Variants in TRERF1 observed in about 807,000 individuals in gnomAD.
TRERF1 encodes transcriptional-regulating factor 1.
TRERF1 carries 27 observed loss-of-function variants against 122.9 expected under a neutral mutation model. The observed-to-expected ratio is 0.22, with a 90% CI of 0.16 to 0.30. The LOEUF (loss-of-function observed/expected upper bound fraction) is 0.30, where lower values mean the gene tolerates loss of function less well. TRERF1 is among the 10% of genes least tolerant of loss of function. The pLI is 1.00. For synonymous variants in TRERF1, 636 were observed against 641.7 expected (o/e 0.99, Z 0.13); for missense variants, 1,248 against 1,560.3 (o/e 0.80, Z 3.37).
In TRERF1 at chr6:42,259,261, G is replaced by T; in HGVS notation, c.2269+78C>A. 8 of 1,441,820 alleles carry T rather than the reference G, an allele frequency of 5.5e-6. No homozygotes were observed. Among genetic ancestry groups the T allele is most frequent in the Non-Finnish European group, 6.3e-6 (7 of 1,103,190 alleles). 89.3% of individuals were successfully genotyped at this position (1,441,820 alleles called of 1,614,324 possible). On this transcript the variant is annotated intron_variant, in intron 9 of 17. Coordinates refer to ENST00000372922, the Ensembl canonical transcript of TRERF1. This position sits in a 1 kb window ranked among gnomAD's most constrained non-coding sequence, Gnocchi z 4.9. Reference sequence around the variant, plus strand: ...CCGCAAAAGTCTGTGGGATAAATGAGAAAGCTAAAGAAAACGAGATGTCCC... The same window carrying T: ...CCGCAAAAGTCTGTGGGATAAATGATAAAGCTAAAGAAAACGAGATGTCCC...
chr6:42,377,938 T>C (rs1775203182), intron 2 of TRERF1, among the ~76,000 whole-genome samples: 1 of 152,238 alleles, frequency 6.6e-6, no homozygotes, highest in African/African-American at 2.4e-5. Flanking sequence ...GAAGGTGCTC[T>C]TGTCACCATC....
At chr6:42,235,476 A>G (rs1223160483) in intron 16 of TRERF1, among the ~76,000 whole-genome samples, 1 of 152,236 alleles carries the variant, frequency 6.6e-6, no homozygotes, top group Non-Finnish European at 1.5e-5. Flanking sequence ...CAGCACAGAT[A>G]CCGTAAGGTC....
Position 42,263,515 on chromosome 6 carries a change from C to T in TRERF1, c.1689G>A (p.Pro563=), listed in dbSNP as rs1323333239. ...GCTGTGGTGGCGGCGGAGGCGGAGG[C>T]GGAGGCGGCAGTGGTGGCTGGGGCT... The change falls in exon 8 of 18, where the codon CCG becomes CCA. Residue 563 remains proline (P), a synonymous_variant. Transcript: ENST00000372922. This position sits in a 1 kb window ranked among gnomAD's most constrained non-coding sequence, Gnocchi z 5.6. 1.1e-5 allele frequency: 17 copies of T among 1,566,130 alleles called. No individual in the cohort carries two copies. In the South Asian group the frequency reaches 1.2e-4, roughly 11 times the overall value.
chr6:42,451,326 T>TAA (rs1234537541), intron 1 of TRERF1, 65 bp from the exon 2 acceptor site: 2 of 152,462 alleles, frequency 1.3e-5, no homozygotes. Flanking sequence ...TCACTTACTG[T>TAA]ACTGCCCTCA....
intron 17 of TRERF1, among the ~76,000 whole-genome samples, chr6:42,229,944 G>A (rs1770174745): frequency 6.6e-6 from 1 of 152,174 alleles, no homozygotes; most frequent in Non-Finnish European, 1.5e-5. Context: ...TGGCACAGCT[G>A]AGCAGTTATG....
intron 4 of TRERF1, among the ~76,000 whole-genome samples, chr6:42,290,603 T>C (rs147828565): frequency 5.5e-4 from 84 of 151,654 alleles, no homozygotes; most frequent in African/African-American, 1.6e-3. Context: ...CATGTCTAAA[T>C]ATTATGTCCC....
At chr6:42,352,891 G>C (rs1300723889) in intron 3 of TRERF1, among the ~76,000 whole-genome samples, 4 of 152,192 alleles carry the variant, frequency 2.6e-5, no homozygotes, top group Non-Finnish European at 5.9e-5. Flanking sequence ...GTGAATATAG[G>C]ATCCAACATT....
intron 4 of TRERF1, among the ~76,000 whole-genome samples, chr6:42,288,864 G>A (rs1359933686): frequency 6.6e-6 from 1 of 151,894 alleles, no homozygotes. Flanking sequence ...GGGGGCAAGG[G>A]CAAGACCATC....
intron 14 of TRERF1, among the ~76,000 whole-genome samples, chr6:42,245,300 T>C (rs1774565107): frequency 6.6e-6 from 1 of 152,154 alleles, no homozygotes; most frequent in Non-Finnish European, 1.5e-5. Flanking sequence ...CAGGAGCAAA[T>C]GCAGAGATGG....
At chr6:42,296,726 A>T (rs1785172839) in intron 4 of TRERF1, among the ~76,000 whole-genome samples, 1 of 152,198 alleles carries the variant, frequency 6.6e-6, no homozygotes, top group Non-Finnish European at 1.5e-5. Context: ...AGAGGGGAAA[A>T]GGAAAAAGAG....
At chr6:42,450,997 C>CCGGAGAGGGAAGAA (rs1349572292) in intron 2 of TRERF1, among the ~76,000 whole-genome samples, 180 bp downstream of exon 2, 1 of 152,126 alleles carries the variant, frequency 6.6e-6, no homozygotes, top group African/African-American at 2.4e-5. Context: ...GCTGTGCAGC[C>CCGGAGAGGGAAGAA]CGGAGAGGGA....
rs757688756 is a variant in TRERF1 at position 42,254,934 on chromosome 6, C to T, written c.2581-8G>A. On this transcript the variant is annotated splice_polypyrimidine_tract_variant and splice_region_variant and intron_variant, in intron 12 of 17. Transcript: ENST00000372922. ...CAGCATTTCCAGAGCAACCTGCAGA[C>T]CCAAAGGAGAGAAAAGGCAAGAGTC... is the stretch of plus-strand genomic sequence containing the variant. 5 of 1,614,016 alleles carry T rather than the reference C, an allele frequency of 3.1e-6. No individual in the cohort carries two copies. The highest frequency in any genetic ancestry group is 4.2e-6 in the Non-Finnish European group (5 of 1,179,950).
chr6:42,261,351 C>A (rs1777835048), intron 8 of TRERF1, among the ~76,000 whole-genome samples: 1 of 152,166 alleles, frequency 6.6e-6, no homozygotes, highest in Admixed American at 6.5e-5. Context: ...TCCTGTTACT[C>A]CAGCTCTAAA....
intron 2 of TRERF1, among the ~76,000 whole-genome samples, chr6:42,405,574 C>T (rs535246305): frequency 2.0e-5 from 3 of 152,188 alleles, no homozygotes; most frequent in African/African-American, 7.2e-5. Context: ...GTAGGCAGAT[C>T]ACCCGAGGTC....
chr6:42,318,378 A>C (rs1762849174), intron 3 of TRERF1, among the ~76,000 whole-genome samples: 1 of 152,186 alleles, frequency 6.6e-6, no homozygotes, highest in South Asian at 2.1e-4. Flanking sequence ...GGGGAGGGCT[A>C]ACATTGGACT....
intron 2 of TRERF1, among the ~76,000 whole-genome samples, chr6:42,410,942 A>G (rs1781019226): frequency 6.6e-6 from 1 of 152,226 alleles, no homozygotes. Context: ...CATACAGAGA[A>G]GCTGTGGTCC....
At chr6:42,382,982 G>C (rs1028273132) in intron 2 of TRERF1, among the ~76,000 whole-genome samples, 1 of 152,112 alleles carries the variant, frequency 6.6e-6, no homozygotes, top group South Asian at 2.1e-4. Flanking sequence ...CCACTGCTTT[G>C]TGTTTAGATA....
chr6:42,313,163 T>A (rs149889982), intron 3 of TRERF1, among the ~76,000 whole-genome samples: 39 of 152,294 alleles, frequency 2.6e-4, no homozygotes, highest in African/African-American at 9.1e-4. Context: ...GGACACCCAC[T>A]TGTGACCCTG....
At chr6:42,381,703 C>T (rs927321515) in intron 2 of TRERF1, among the ~76,000 whole-genome samples, 3 of 151,522 alleles carry the variant, frequency 2.0e-5, no homozygotes, top group Non-Finnish European at 4.4e-5. Context: ...CCTCCCTCAA[C>T]GGAGGAGGGA....
Sources: allele counts gnomAD v4.1 joint callset (sites outside exome capture counted in the v4.1 genomes callset), GRCh38; gene constraint gnomAD v4.1.1; non-coding constraint Gnocchi (gnomAD v3.1); transcripts MANE v1.5; gene names NCBI Gene and HGNC (gene_info 2026-07-23, HGNC 2026-07-21).